Variants in MACROH2A1 observed in about 807,000 individuals in gnomAD.
MACROH2A1 encodes the protein macroH2A.1 histone, also known as core histone macro-H2A.1.
In MACROH2A1, 2 loss-of-function variants were observed where a neutral mutation model predicts 31.6. The observed-to-expected ratio is 0.06, with a 90% CI of 0.03 to 0.20. The LOEUF (loss-of-function observed/expected upper bound fraction) is 0.20, where lower values mean the gene tolerates loss of function less well. MACROH2A1 is among the 10% of genes least tolerant of loss of function. The pLI is 1.00. For synonymous variants in MACROH2A1, 169 were observed against 189.6 expected (o/e 0.89, Z 0.89); for missense variants, 230 against 474.0 (o/e 0.49, Z 4.78).
At chr5:135,351,543 A>ATTTTTTTTTTTTTTTTTTTTTTTTTT (rs57605717) in intron 6 of MACROH2A1, 1 of 48,496 alleles carries the variant, frequency 2.1e-5, no homozygotes, top group Non-Finnish European at 4.0e-5. Context: ...TTATGGTTTA[A>ATTTTTTTTTTTTTTTTTTTTTTTTTT]TTTTTTTTTT....
At chr5:135,388,341 A>C (rs960483391) in intron 2 of MACROH2A1, among the ~76,000 whole-genome samples, 2 of 152,172 alleles carry the variant, frequency 1.3e-5, no homozygotes, top group African/African-American at 4.8e-5. Context: ...AAACCACGTC[A>C]GGTGCCTCCC....
chr5:135,343,514 C>T, intron 7 of MACROH2A1, 80 bp from the exon 8 acceptor site: 1 of 1,577,476 alleles, frequency 6.3e-7, no homozygotes. Context: ...GACCCACTCC[C>T]CTGCCACGGT....
intron 5 of MACROH2A1, chr5:135,354,062 A>G (rs1581193060): frequency 6.6e-6 from 1 of 152,242 alleles, no homozygotes; most frequent in Admixed American, 6.5e-5. Context: ...CCTGCAGACA[A>G]GTGCAATGCC....
intron 5 of MACROH2A1, chr5:135,353,415 GT>G (rs1761818895): frequency 8.5e-6 from 2 of 236,398 alleles, no homozygotes; most frequent in South Asian, 1.2e-4. Flanking sequence ...GCTGGTGGAT[GT>G]GACTGTCCTC....
chr5:135,369,659 C>T lies in MACROH2A1; in HGVS notation c.280-56G>A. On this transcript the variant is annotated intron_variant, in intron 3 of 8. Coordinates refer to ENST00000511689, the MANE Select transcript of MACROH2A1 (RefSeq NM_138610.3). The surrounding 1 kb of genome is among the most constrained non-coding windows in gnomAD (Gnocchi z 4.3). ...AGCCAGATACCCTGCTTCTAACCTT[C>T]AAGAAGCCAGCCCTGCCCAGGACAG... 7.1e-7 allele frequency: 1 copy of T among 1,403,242 alleles called. No homozygotes were observed. Among genetic ancestry groups the T allele is most frequent in the South Asian group, 1.2e-5 (1 of 86,552 alleles). The allele number at this position is 1,403,242 out of a possible 1,614,324, so 86.9% of individuals were successfully genotyped here. A position where few individuals can be genotyped will look rare whatever the true frequency, so the allele number is the denominator to read the frequency against.
Position 135,360,521 on chromosome 5 carries a change from G to A in MACROH2A1, c.564C>T (p.Thr188=). 1 of 1,612,754 alleles carries A rather than the reference G, an allele frequency of 6.2e-7. No homozygotes were observed. Among genetic ancestry groups the A allele is most frequent in the Non-Finnish European group, 8.5e-7 (1 of 1,178,718 alleles). Residue 188 remains threonine (T), a synonymous_variant, in exon 5 of 9, where the codon ACC becomes ACT. Transcript: ENST00000511689. The part of the protein sequence containing the change: ...TPADGFTVLS[T]KSLFLGQKLN... The stretch of plus-strand genomic sequence containing the variant: ...CCTTCTGGCCAAGGAAGAGGCTCTT[G>A]GTGGAGAGGACTGTGAAGCCGTCGG...
At chr5:135,359,734 A>C in intron 5 of MACROH2A1, 2 of 966,852 alleles carry the variant, frequency 2.1e-6, no homozygotes, top group South Asian at 4.8e-5. Flanking sequence ...GGAACGTCAA[A>C]TTCATTCCTT....
In MACROH2A1 at chr5:135,384,038, G is replaced by A. The variant is rs966556380; in HGVS notation, c.172+4884C>T. On this transcript the variant is annotated intron_variant, in intron 2 of 8. Coordinates refer to ENST00000511689, the MANE Select transcript of MACROH2A1 (RefSeq NM_138610.3). ...ATTTGAGTGTCCCGGATAGGAAGGT[G>A]GTAAAGAGATTTGGGACTTATTTTC... Among the ~76,000 whole-genome samples, 6 of 152,274 alleles carry A rather than the reference G, an allele frequency of 3.9e-5. No homozygotes were observed. In the East Asian group the frequency reaches 9.6e-4, roughly 24 times the overall value.
chr5:135,394,363 C>CT (rs1393852197), intron 1 of MACROH2A1, among the ~76,000 whole-genome samples: 1 of 152,190 alleles, frequency 6.6e-6, no homozygotes, highest in African/African-American at 2.4e-5. Flanking sequence ...GCCATGCCTT[C>CT]TGTCAGTCAC....
At chr5:135,382,148 G>C (rs1469836365) in intron 2 of MACROH2A1, among the ~76,000 whole-genome samples, 2 of 152,180 alleles carry the variant, frequency 1.3e-5, no homozygotes, top group Non-Finnish European at 2.9e-5. Context: ...GTGCTTGTCT[G>C]TTGGCCCAAG....
At chr5:135,364,015 G>A (rs1407977105) in intron 4 of MACROH2A1, among the ~76,000 whole-genome samples, 1 of 152,038 alleles carries the variant, frequency 6.6e-6, no homozygotes, top group African/African-American at 2.4e-5. Flanking sequence ...ACTTTTTGAT[G>A]GGGTTGATTT....
chr5:135,336,527 A>ACG (rs6149256), intron 8 of MACROH2A1, among the ~76,000 whole-genome samples: 2 of 151,832 alleles, frequency 1.3e-5, no homozygotes, highest in African/African-American at 4.9e-5. Context: ...GCCACAGAGC[A>ACG]GCCAGCGCAT....
At chr5:135,353,740 A>T (rs1358884237) in intron 5 of MACROH2A1, 2 of 152,202 alleles carry the variant, frequency 1.3e-5, no homozygotes, top group African/African-American at 4.8e-5. Flanking sequence ...TCTGAGACTC[A>T]ATGGGTGGCT....
chr5:135,358,143 G>C, intron 5 of MACROH2A1: 1 of 984,484 alleles, frequency 1.0e-6, no homozygotes, highest in Non-Finnish European at 1.2e-6. Context: ...CATGATTTTT[G>C]CCTTTTTTAC....
chr5:135,380,806 G>A (rs1765561689), intron 2 of MACROH2A1, among the ~76,000 whole-genome samples: 1 of 152,140 alleles, frequency 6.6e-6, no homozygotes. Context: ...AAAGGGAAAA[G>A]ATTAAAGAGA....
At chr5:135,357,652 GA>G (rs1377194521) in intron 5 of MACROH2A1, 2 of 791,228 alleles carry the variant, frequency 2.5e-6, no homozygotes, top group Non-Finnish European at 1.5e-6. Context: ...TGTTTTTTCT[GA>G]AAATTTTAAA....
Position 135,386,631 on chromosome 5 carries a change from G to T in MACROH2A1, c.172+2291C>A, listed in dbSNP as rs1156886740. Among the ~76,000 whole-genome samples, 13 of 152,270 alleles carry T rather than the reference G, an allele frequency of 8.5e-5. No individual in the cohort carries two copies. In the East Asian group the frequency reaches 2.3e-3, roughly 27 times the overall value. Reference sequence around the variant, plus strand: ...AGCTGGGGATAGGGATGATGGATGTGTGAGCCACTGAGTCAACGTCTCTAG... The same window carrying T: ...AGCTGGGGATAGGGATGATGGATGTTTGAGCCACTGAGTCAACGTCTCTAG... On this transcript the variant is annotated intron_variant, in intron 2 of 8. Transcript: ENST00000511689.
chr5:135,396,223 G>C (rs1161205771), intron 1 of MACROH2A1, among the ~76,000 whole-genome samples: 1 of 152,160 alleles, frequency 6.6e-6, no homozygotes, highest in Non-Finnish European at 1.5e-5. Context: ...CCAGTCTCAC[G>C]GAAGGCTATT....
Position 135,389,108 on chromosome 5 carries a change from A to T in MACROH2A1, c.-15T>A. On this transcript the variant is annotated 5_prime_UTR_variant, in exon 2 of 9. Coordinates refer to ENST00000511689, the MANE Select transcript of MACROH2A1 (RefSeq NM_138610.3). ...CGGCTCGACATGGCGGTGGCCCTGG[A>T]GGCGGATCAGTGAGCACACTGTGAA... The T allele has an allele frequency of 6.2e-7, 1 of 1,609,828 alleles. No individual in the cohort carries two copies. Among genetic ancestry groups the T allele is most frequent in the Non-Finnish European group, 8.5e-7 (1 of 1,176,950 alleles).
Sources: allele counts gnomAD v4.1 joint callset (sites outside exome capture counted in the v4.1 genomes callset), GRCh38; gene constraint gnomAD v4.1.1; non-coding constraint Gnocchi (gnomAD v3.1); transcripts MANE v1.5; gene names NCBI Gene and HGNC (gene_info 2026-07-23, HGNC 2026-07-21).